SNRPA1: variants seen among roughly 807,000 people sequenced by gnomAD.
SNRPA1 encodes the protein U2 small nuclear ribonucleoprotein A'.
SNRPA1 carries 5 observed loss-of-function variants against 32.3 expected under a neutral mutation model. The ratio of observed to expected loss-of-function variants is 0.15; its 90% CI spans 0.08 to 0.33. SNRPA1 has a LOEUF of 0.33. Ranked by LOEUF, SNRPA1 falls within the 10% of genes least tolerant of loss-of-function variation. The pLI is 1.00. For missense variants in SNRPA1, 198 were observed against 311.1 expected, an observed-to-expected ratio of 0.64 and a Z score of 2.74; for synonymous variants, 111 against 120.1, an observed-to-expected ratio of 0.92 and a Z score of 0.50.
chr15:101,283,634 G>A (rs1388293078), intron 8 of SNRPA1, among the ~76,000 whole-genome samples: 3 of 151,634 alleles, frequency 2.0e-5, no homozygotes, highest in African/African-American at 7.3e-5. Context: ...CCATACAGTA[G>A]AGAATTACTG....
chr15:101,286,838 A>G, intron 5 of SNRPA1, 70 bp downstream of exon 5: 1 of 761,598 alleles, frequency 1.3e-6, no homozygotes, highest in Non-Finnish European at 2.2e-6. Flanking sequence ...AATTTTAATA[A>G]TCAGTAACAA....
intron 1 of SNRPA1, chr15:101,293,466 G>A (rs2141315364): frequency 4.8e-6 from 1 of 207,842 alleles, no homozygotes; most frequent in East Asian, 1.1e-4. Context: ...ACATTTACAA[G>A]GTGCCTCACA....
chr15:101,285,319 T>C lies in SNRPA1; in HGVS notation c.616-259A>G, dbSNP rs76854153. Among the ~76,000 whole-genome samples, 913 of 152,332 alleles carry C rather than the reference T, an allele frequency of 6.0e-3. 7 individuals carry two copies. Among genetic ancestry groups the C allele is most frequent in the African/African-American group, 0.021 (870 of 41,574 alleles). On this transcript the variant is annotated intron_variant, in intron 7 of 8. Coordinates refer to ENST00000254193, the MANE Select transcript of SNRPA1 (RefSeq NM_003090.4). ...CACATGTTCTAAAATCGTAGCTAAG[T>C]GAAGTAACTATTTGCAATTATGTTA...
intron 7 of SNRPA1, 93 bp from the exon 8 acceptor site, chr15:101,285,153 C>T: frequency 1.2e-6 from 1 of 813,494 alleles, no homozygotes; most frequent in East Asian, 2.5e-5. Flanking sequence ...CAGAAATTCA[C>T]AGCAACTTCT....
intron 3 of SNRPA1, among the ~76,000 whole-genome samples, chr15:101,290,902 C>T (rs746054794): frequency 3.9e-5 from 6 of 151,990 alleles, no homozygotes; most frequent in Non-Finnish European, 5.9e-5. Context: ...CCACCACGCC[C>T]GGCTAATTTT....
chr15:101,287,456 T>C (rs1469950085), intron 4 of SNRPA1, among the ~76,000 whole-genome samples, 200 bp downstream of exon 4: 6 of 152,146 alleles, frequency 3.9e-5, no homozygotes, highest in Admixed American at 6.6e-5. Flanking sequence ...GTCCTTGCGA[T>C]AGTTTGCTGA....
Position 101,284,992 on chromosome 15 carries a change from C to A in SNRPA1, c.684G>T (p.Gln228His). The A allele has an allele frequency of 6.2e-7, 1 of 1,613,894 alleles. No homozygotes were observed. Among genetic ancestry groups the A allele is most frequent in the South Asian group, 1.1e-5 (1 of 91,082 alleles). Reference protein sequence around the residue: ...ERLKGLLQSGQIPGRERRSGP... With the variant: ...ERLKGLLQSGHIPGRERRSGP... The stretch of plus-strand genomic sequence containing the variant: ...CTGATCTGCGTTCTCTGCCAGGGAT[C>A]TGACCAGACTGCAGCAACCCCTTCA... Residue 228 changes from glutamine to histidine, a missense_variant, in exon 8 of 9, where the codon CAG becomes CAT. Gln to His is a conservative substitution (Grantham distance 24). Coordinates refer to ENST00000254193, the MANE Select transcript of SNRPA1 (RefSeq NM_003090.4).
chr15:101,293,299 C>T, intron 1 of SNRPA1, 127 bp from the exon 2 acceptor site: 1 of 614,604 alleles, frequency 1.6e-6, no homozygotes. Flanking sequence ...TTACCTAGCA[C>T]CTATGTCGGG....
intron 1 of SNRPA1, chr15:101,293,466 G>T: frequency 4.8e-6 from 1 of 207,842 alleles, no homozygotes; most frequent in South Asian, 1.1e-4. Context: ...ACATTTACAA[G>T]GTGCCTCACA....
chr15:101,290,517 T>C (rs1292511031), intron 3 of SNRPA1, among the ~76,000 whole-genome samples: 1 of 152,110 alleles, frequency 6.6e-6, no homozygotes, highest in African/African-American at 2.4e-5. Context: ...ACACAGTTCA[T>C]TCTCAACAAT....
At chr15:101,282,276 GA>G (rs1383448275) in intron 8 of SNRPA1, among the ~76,000 whole-genome samples, 3 of 151,956 alleles carry the variant, frequency 2.0e-5, no homozygotes, top group Non-Finnish European at 4.4e-5. Flanking sequence ...ATTCCAGGGG[GA>G]AAAAAAAGTT....
At chr15:101,292,852 T>G in intron 2 of SNRPA1, 173 bp downstream of exon 2, 1 of 418,012 alleles carries the variant, frequency 2.4e-6, no homozygotes, top group Admixed American at 4.3e-5. Context: ...AAACATGTAT[T>G]GAATGTGGCT....
In SNRPA1 at chr15:101,284,285, A is replaced by C. The variant is rs78908764; in HGVS notation, c.709+682T>G. Among the ~76,000 whole-genome samples, 427 of 152,302 alleles carry C rather than the reference A, an allele frequency of 2.8e-3. 3 individuals carry two copies. The highest frequency in any genetic ancestry group is 9.7e-3 in the African/African-American group (403 of 41,564). On this transcript the variant is annotated intron_variant, in intron 8 of 8. Coordinates refer to ENST00000254193, the MANE Select transcript of SNRPA1 (RefSeq NM_003090.4). ...GGAAAGACTTGAAGAAACTTGTCCA[A>C]AGGCAGAGCTGGTGAAGCTGAGATT...
chr15:101,293,601 T>C (rs60105028), intron 1 of SNRPA1, among the ~76,000 whole-genome samples: 14,625 of 152,152 alleles, frequency 0.096, 1,955 homozygotes, highest in African/African-American at 0.3. Context: ...CACTCTTGCA[T>C]CTCCACAGGC....
intron 5 of SNRPA1, 89 bp downstream of exon 5, chr15:101,286,819 C>A: frequency 1.5e-6 from 1 of 669,108 alleles, no homozygotes. Flanking sequence ...AAAATTTACT[C>A]ATTTAGACAA....
intron 1 of SNRPA1, among the ~76,000 whole-genome samples, chr15:101,294,364 T>C (rs1368318175): frequency 6.6e-6 from 1 of 152,220 alleles, no homozygotes; most frequent in Non-Finnish European, 1.5e-5. Context: ...GACAGCATGG[T>C]CTTATCCTCA....
intron 7 of SNRPA1, 150 bp downstream of exon 7, chr15:101,285,576 T>C: frequency 1.6e-6 from 1 of 606,748 alleles, no homozygotes; most frequent in Non-Finnish European, 3.0e-6. Context: ...AATAACTTTA[T>C]GCTAGTTTTT....
intron 2 of SNRPA1, chr15:101,292,778 C>A: frequency 3.5e-6 from 1 of 284,902 alleles, no homozygotes; most frequent in Non-Finnish European, 6.5e-6. Flanking sequence ...TAAGACTAGA[C>A]TAATGCCAGG....
Position 101,285,774 on chromosome 15 carries a change from A to C in SNRPA1, c.567T>G (p.Thr189=), listed in dbSNP as rs775149895. Residue 189 remains threonine (T), a synonymous_variant, in exon 7 of 9, where the codon ACT becomes ACG. Transcript: ENST00000254193. ...KTFNPGAGLP[T]DKKKGGPSPG... The stretch of plus-strand genomic sequence containing the variant: ...GAGATGGCCCACCTTTCTTTTTGTC[A>C]GTTGGCAAACCAGCACCTGGATTAA... 6.2e-7 allele frequency: 1 copy of C among 1,613,822 alleles called. No homozygotes were observed. Among genetic ancestry groups the C allele is most frequent in the East Asian group, 2.2e-5 (1 of 44,876 alleles).
Sources: gnomAD v4.1 joint callset for allele counts (sites outside exome capture counted in the v4.1 genomes callset) on GRCh38, gnomAD v4.1.1 for gene constraint, MANE v1.5 for transcripts, NCBI Gene and HGNC (gene_info 2026-07-23, HGNC 2026-07-21) for gene names.